HLCS: variants seen among roughly 807,000 people sequenced by gnomAD.
The protein encoded by HLCS is biotin--protein ligase.
A neutral mutation model predicts 75.0 loss-of-function variants in HLCS; 53 were observed. The observed-to-expected ratio is 0.71, with a 90% CI of 0.57 to 0.89. The LOEUF is 0.89. Among genes scored for constraint, HLCS ranks in the 40% least tolerant of loss-of-function variants. The probability of loss-of-function intolerance (pLI) is 0.00; values close to 1 mark genes in which losing one functional copy is unlikely to be tolerated. For synonymous variants in HLCS, 431 were observed against 428.6 expected (o/e 1.01, Z -0.07); for missense variants, 966 against 1,074.0 (o/e 0.90, Z 1.41).
At chr21:36,822,755 G>C (rs2061885745) in intron 6 of HLCS, among the ~76,000 whole-genome samples, 1 of 152,126 alleles carries the variant, frequency 6.6e-6, no homozygotes, top group African/African-American at 2.4e-5. Flanking sequence ...TCAAAATATG[G>C]TTATGCAGGC....
intron 6 of HLCS, among the ~76,000 whole-genome samples, chr21:36,888,432 T>TAAAAAAAAA (rs1191691491): frequency 2.5e-4 from 6 of 23,776 alleles, no homozygotes; most frequent in African/African-American, 7.7e-4. Flanking sequence ...CCTTCCCATT[T>TAAAAAAAAA]AAAAAAAAAA....
At chr21:36,853,114 T>C (rs2063069224) in intron 6 of HLCS, among the ~76,000 whole-genome samples, 1 of 152,140 alleles carries the variant, frequency 6.6e-6, no homozygotes, top group African/African-American at 2.4e-5. Context: ...TGTCCTAAAA[T>C]AGAGCCACCT....
intron 6 of HLCS, among the ~76,000 whole-genome samples, chr21:36,790,963 G>A (rs954405468): frequency 6.6e-6 from 1 of 152,240 alleles, no homozygotes; most frequent in African/African-American, 2.4e-5. Context: ...GAACCTGGGT[G>A]TAGGACAATG....
intron 5 of HLCS, among the ~76,000 whole-genome samples, chr21:36,929,630 C>T (rs1023563018): frequency 6.6e-6 from 1 of 151,890 alleles, no homozygotes; most frequent in African/African-American, 2.4e-5. Flanking sequence ...GAGAAGACAA[C>T]AGAAATAGAC....
intron 6 of HLCS, among the ~76,000 whole-genome samples, chr21:36,828,834 C>T (rs1472448772): frequency 6.6e-6 from 1 of 152,170 alleles, no homozygotes; most frequent in African/African-American, 2.4e-5. Context: ...AAAAATATTG[C>T]TGCAAAACCT....
At chr21:36,897,251 G>C in intron 5 of HLCS, 120 bp from the exon 6 acceptor site, 1 of 954,040 alleles carries the variant, frequency 1.0e-6, no homozygotes, top group South Asian at 1.4e-5. Flanking sequence ...ACCAAGAAAA[G>C]CTAGATTAAC....
intron 6 of HLCS, among the ~76,000 whole-genome samples, chr21:36,822,197 G>A (rs969221864): frequency 1.3e-5 from 2 of 152,164 alleles, no homozygotes; most frequent in Non-Finnish European, 2.9e-5. Flanking sequence ...TGAGGCAGGC[G>A]AATCACGAGG....
At chr21:36,843,519 G>T (rs1248752284) in intron 6 of HLCS, among the ~76,000 whole-genome samples, 1 of 143,624 alleles carries the variant, frequency 7.0e-6, no homozygotes, top group Non-Finnish European at 1.5e-5. Flanking sequence ...CATCTTTTAA[G>T]AAACTACAAA....
At position 36,930,433 on chromosome 21, in the gene HLCS, C is replaced by T. The variant is rs780790877; in HGVS notation, c.1438G>A (p.Val480Met). The T allele has an allele frequency of 5.0e-6, 8 of 1,613,216 alleles. No homozygotes were observed. Among genetic ancestry groups the T allele is most frequent in the African/African-American group, 2.7e-5 (2 of 74,962 alleles). Residue 480 changes from valine (V) to methionine (M), a missense_variant and splice_region_variant, in exon 5 of 11, where the codon GTG becomes ATG. By Grantham distance (21) the Val-to-Met change is conservative (BLOSUM62 1). Transcript: ENST00000674895. Reference protein sequence around the residue: ...TRGGEAVLCQVHLELPPSSNI... With the variant: ...TRGGEAVLCQMHLELPPSSNI... Reference sequence around the variant, plus strand: ...GAGCTGGGAGGTAGTTCTAAGTGCACCTGAAGGGGAAAGATAGCACTATGT... The same window carrying T: ...GAGCTGGGAGGTAGTTCTAAGTGCATCTGAAGGGGAAAGATAGCACTATGT...
chr21:36,973,287 C>A (rs1266051922), intron 1 of HLCS, among the ~76,000 whole-genome samples: 1 of 137,126 alleles, frequency 7.3e-6, no homozygotes, highest in Non-Finnish European at 1.5e-5. Flanking sequence ...ATTTGTAACA[C>A]ACATAACTGA....
chr21:36,953,834 T>C (rs9978381), intron 2 of HLCS, among the ~76,000 whole-genome samples: 85,297 of 151,972 alleles, frequency 0.56, 24,204 homozygotes, highest in East Asian at 0.64. Flanking sequence ...TACAGTCATG[T>C]ACCACATAAT....
At chr21:36,765,273 TTAC>T in intron 7 of HLCS, 101 bp from the exon 8 acceptor site, 1 of 1,051,958 alleles carries the variant, frequency 9.5e-7, no homozygotes, top group Admixed American at 1.9e-5. Flanking sequence ...TCTGAACTTA[TTAC>T]AATGCTTATT....
intron 6 of HLCS, among the ~76,000 whole-genome samples, chr21:36,809,449 A>G (rs2061448369): frequency 6.6e-6 from 1 of 152,164 alleles, no homozygotes; most frequent in African/African-American, 2.4e-5. Context: ...GTGTTTCTTG[A>G]GCATATGATC....
intron 7 of HLCS, 26 bp downstream of exon 7, chr21:36,767,192 A>G: frequency 6.2e-7 from 1 of 1,610,194 alleles, no homozygotes. Flanking sequence ...CAGAAGTAAC[A>G]GCAATGATCA....
chr21:36,979,388 G>A (rs1040102634), intron 1 of HLCS, among the ~76,000 whole-genome samples: 1 of 152,170 alleles, frequency 6.6e-6, no homozygotes, highest in Non-Finnish European at 1.5e-5. Context: ...GAGAAGGGGG[G>A]CATTACCTTC....
intron 6 of HLCS, among the ~76,000 whole-genome samples, chr21:36,823,610 G>GGGGTGTGTGTGTGTGTGTGTGT (rs372824950): frequency 1.5e-5 from 2 of 132,726 alleles, no homozygotes; most frequent in Admixed American, 7.5e-5. Context: ...AAACGTGCAG[G>GGGGTGTGTGTGTGTGTGTGTGT]GTGTGTGTGT....
chr21:36,841,173 T>C (rs1392746356), intron 6 of HLCS, among the ~76,000 whole-genome samples: 1 of 152,222 alleles, frequency 6.6e-6, no homozygotes, highest in Admixed American at 6.5e-5. Context: ...AGGTATTTCT[T>C]AATTTGCTAA....
Position 36,752,626 on chromosome 21 carries a change from G to A in HLCS, c.*1620C>T, listed in dbSNP as rs1167090512. On this transcript the variant is annotated 3_prime_UTR_variant, in exon 11 of 11. Transcript: ENST00000674895. ...AAAGAAGGCTTGGGCATTTGGAGAA[G>A]AGTGGTTTTTTTTGTGTTTTTTGTT... 6.6e-6 allele frequency: 1 copy of A among 152,594 alleles called. No homozygotes were observed. Among genetic ancestry groups the A allele is most frequent in the Non-Finnish European group, 1.5e-5 (1 of 68,036 alleles). 9.5% of individuals were successfully genotyped at this position (152,594 alleles called of 1,614,324 possible).
intron 6 of HLCS, among the ~76,000 whole-genome samples, chr21:36,827,675 C>T (rs1335875270): frequency 6.6e-6 from 1 of 151,786 alleles, no homozygotes; most frequent in Non-Finnish European, 1.5e-5. Context: ...CTCAGTTCTC[C>T]GGGGGCAATA....
Sources: allele counts gnomAD v4.1 joint callset (sites outside exome capture counted in the v4.1 genomes callset), GRCh38; gene constraint gnomAD v4.1.1; transcripts MANE v1.5; gene names NCBI Gene and HGNC (gene_info 2026-07-23, HGNC 2026-07-21).